TMEM165: variants seen among roughly 807,000 people sequenced by gnomAD.
The protein encoded by TMEM165 is putative divalent cation/proton antiporter TMEM165.
Under a neutral mutation model 30.0 loss-of-function variants are expected in TMEM165, and 19 were observed. The ratio of observed to expected loss-of-function variants is 0.63; its 90% confidence interval spans 0.44 to 0.93. The LOEUF is 0.93. Ranked by LOEUF, TMEM165 falls within the 40% of genes least tolerant of loss-of-function variation. The pLI is 0.00. For missense variants in TMEM165, 340 were observed against 417.0 expected, an observed-to-expected ratio of 0.82 and a Z score of 1.61; for synonymous variants, 168 against 162.9, an observed-to-expected ratio of 1.03 and a Z score of -0.24.
intron 1 of TMEM165, chr4:55,397,233 C>T (rs1720763418): frequency 1.3e-5 from 2 of 152,234 alleles, no homozygotes; most frequent in Non-Finnish European, 2.9e-5. Flanking sequence ...AACTAATCTT[C>T]CCGAACATTG....
downstream of TMEM165, among the ~76,000 whole-genome samples, chr4:55,427,408 T>C (rs1421147533): frequency 6.6e-6 from 1 of 151,434 alleles, no homozygotes; most frequent in Non-Finnish European, 1.5e-5. Flanking sequence ...AGTGGCGCAA[T>C]CTCGGCTCAC....
chr4:55,435,512 T>C, intron 3 of TMEM165: 1 of 1,614,072 alleles, frequency 6.2e-7, no homozygotes, highest in South Asian at 1.1e-5. Flanking sequence ...GTGATGTGAC[T>C]GAGGGAAGGT....
At position 55,425,477 on chromosome 4, in the gene TMEM165, A is replaced by C; in HGVS notation, c.*25A>C. The C allele has an allele frequency of 6.5e-7, 1 of 1,529,202 alleles. No individual in the cohort carries two copies. The highest frequency in any genetic ancestry group is 9.1e-7 in the Non-Finnish European group (1 of 1,104,790). The allele number at this position is 1,529,202 out of a possible 1,614,324, so 94.7% of individuals were successfully genotyped here. On this transcript the variant is annotated 3_prime_UTR_variant, in exon 6 of 6. Transcript: ENST00000381334. Reference sequence around the variant, plus strand: ...ACAAGCTGTTTGTTCATCTATATTTAGTTTAAAATAGGTAGTATTATCTTT... The same window carrying C: ...ACAAGCTGTTTGTTCATCTATATTTCGTTTAAAATAGGTAGTATTATCTTT...
In TMEM165 at chr4:55,444,802, G is replaced by A. The variant is rs774665691; in HGVS notation, c.409-7437G>A. 24 of 1,612,088 alleles carry A rather than the reference G, an allele frequency of 1.5e-5. No individual in the cohort carries two copies. In the Admixed American group the frequency reaches 2.3e-4, roughly 16 times the overall value. ...AAACTGAAACTGAAGTACCATGTACGGAAAAAGTGTAATATATTTTAGAAT... is the reference window on the plus strand; with the variant it reads ...AAACTGAAACTGAAGTACCATGTACAGAAAAAGTGTAATATATTTTAGAAT... On this transcript the variant is annotated intron_variant, in intron 3 of 3. Coordinates refer to the TMEM165 transcript ENST00000608091.
At chr4:55,437,959 G>A (rs1404524398) in intron 3 of TMEM165, among the ~76,000 whole-genome samples, 1 of 152,322 alleles carries the variant, frequency 6.6e-6, no homozygotes, top group East Asian at 1.9e-4. Context: ...GCTAGAAAAA[G>A]GAGGAAAGAG....
chr4:55,411,888 G>A (rs1045295961), intron 2 of TMEM165, 49 bp downstream of exon 2: 11 of 1,564,936 alleles, frequency 7.0e-6, no homozygotes, highest in African/African-American at 4.1e-5. Flanking sequence ...AAGGGAAAGC[G>A]TGTTGTGTGA....
chr4:55,396,480 T>C, intron 1 of TMEM165, 84 bp downstream of exon 1: 1 of 1,184,464 alleles, frequency 8.4e-7, no homozygotes, highest in Non-Finnish European at 1.1e-6. Context: ...AGCGCCGCAC[T>C]CCGCCGGCCT....
intron 3 of TMEM165, among the ~76,000 whole-genome samples, chr4:55,447,941 T>C (rs1035791169): frequency 2.6e-5 from 4 of 152,182 alleles, no homozygotes; most frequent in African/African-American, 9.7e-5. Context: ...AGTCATAAAT[T>C]ACAAGTTGGG....
chr4:55,438,362 T>C (rs1577669401), intron 3 of TMEM165: 1 of 1,593,582 alleles, frequency 6.3e-7, no homozygotes, highest in African/African-American at 1.3e-5. Context: ...TCCTGGGAGC[T>C]CTGCTGCTGC....
At chr4:55,443,848 G>C in intron 3 of TMEM165, 1 of 1,613,582 alleles carries the variant, frequency 6.2e-7, no homozygotes. Context: ...CCAGAAGAAA[G>C]TTGAACGGAA....
At chr4:55,400,293 TATA>T (rs1425866146) in intron 1 of TMEM165, among the ~76,000 whole-genome samples, 10 of 100,524 alleles carry the variant, frequency 9.9e-5, no homozygotes, top group Admixed American at 2.8e-4. Context: ...ATATATTATA[TATA>T]ATATTATATA....
chr4:55,421,940 A>G (rs1721992187), intron 4 of TMEM165, among the ~76,000 whole-genome samples: 1 of 151,250 alleles, frequency 6.6e-6, no homozygotes, highest in Non-Finnish European at 1.5e-5. Context: ...CCTTTTCTCA[A>G]TTGTACATCG....
At chr4:55,404,276 A>G (rs946544804) in intron 1 of TMEM165, among the ~76,000 whole-genome samples, 1 of 151,934 alleles carries the variant, frequency 6.6e-6, no homozygotes, top group Non-Finnish European at 1.5e-5. Flanking sequence ...CGGCCTCCCA[A>G]AGTGCTGGGA....
At chr4:55,402,427 ATATATATTTTTTTTTTTTT>A (rs1721052891) in intron 1 of TMEM165, among the ~76,000 whole-genome samples, 7 of 37,320 alleles carry the variant, frequency 1.9e-4, no homozygotes, top group East Asian at 9.5e-4. Context: ...ATATATATAT[ATATATATTTTTTTTTTTTT>A]TTTTTTTTTT....
At chr4:55,441,799 A>T (rs1723391521) in intron 3 of TMEM165, among the ~76,000 whole-genome samples, 1 of 152,154 alleles carries the variant, frequency 6.6e-6, no homozygotes, top group South Asian at 2.1e-4. Flanking sequence ...AGTGCACTAA[A>T]ATAAGTTATA....
intron 3 of TMEM165, chr4:55,444,002 T>A (rs949865968): frequency 2.2e-6 from 2 of 916,472 alleles, no homozygotes; most frequent in Non-Finnish European, 3.4e-6. Context: ...AAAAAGCAAG[T>A]AACAAGGCTA....
chr4:55,442,285 A>G, intron 3 of TMEM165: 1 of 735,604 alleles, frequency 1.4e-6, no homozygotes, highest in South Asian at 1.8e-5. Flanking sequence ...GAATACATTC[A>G]GTGTTTTTAT....
intron 3 of TMEM165, among the ~76,000 whole-genome samples, chr4:55,445,579 A>ATTTTTTTTTTT (rs1191320465): frequency 1.5e-5 from 1 of 65,518 alleles, no homozygotes; most frequent in African/African-American, 5.3e-5. Context: ...CTATTTCTAT[A>ATTTTTTTTTTT]TTCTTTTTTT....
chr4:55,415,951 C>T (rs1436389598), intron 2 of TMEM165: 1 of 151,838 alleles, frequency 6.6e-6, no homozygotes, highest in African/African-American at 2.4e-5. Context: ...ACCTCCTGGG[C>T]TCAAGTGATC....
Sources: gnomAD v4.1 joint callset for allele counts (sites outside exome capture counted in the v4.1 genomes callset) on GRCh38, gnomAD v4.1.1 for gene constraint, MANE v1.5 for transcripts, NCBI Gene and HGNC (gene_info 2026-07-23, HGNC 2026-07-21) for gene names.